The following PDE8B variants were observed in gnomAD, a reference collection of about 807,000 sequenced individuals.
PDE8B encodes phosphodiesterase 8B.
PDE8B carries 26 observed loss-of-function variants against 101.3 expected under a neutral mutation model. The ratio of observed to expected loss-of-function variants is 0.26; its 90% CI spans 0.19 to 0.36. The LOEUF (loss-of-function observed/expected upper bound fraction) is 0.36. Among genes scored for constraint, PDE8B ranks in the 10% least tolerant of loss-of-function variants. PDE8B has a pLI of 1.00. For missense variants in PDE8B, 810 were observed against 1,163.1 expected, an observed-to-expected ratio of 0.70 and a Z score of 4.42; for synonymous variants, 424 against 429.3, an observed-to-expected ratio of 0.99 and a Z score of 0.15.
intron 1 of PDE8B, among the ~76,000 whole-genome samples, chr5:77,302,525 G>C (rs987544917): frequency 6.6e-6 from 1 of 152,180 alleles, no homozygotes; most frequent in African/African-American, 2.4e-5. Context: ...CGGGTGCCTT[G>C]TGCCAAACGT....
intron 10 of PDE8B, among the ~76,000 whole-genome samples, chr5:77,369,715 G>C (rs191827581): frequency 2.8e-4 from 42 of 152,298 alleles, no homozygotes; most frequent in Admixed American, 6.5e-4. Flanking sequence ...GTGCAAGCTT[G>C]GCATCATACC....
At chr5:77,387,471 G>A (rs1355376271) in intron 10 of PDE8B, among the ~76,000 whole-genome samples, 2 of 152,156 alleles carry the variant, frequency 1.3e-5, no homozygotes, top group Non-Finnish European at 2.9e-5. Context: ...TGGGTAACCC[G>A]ACCTTTCTCA....
chr5:77,190,537 A>G, the PDE8B span, among the ~76,000 whole-genome samples: 10 of 152,358 alleles, frequency 6.6e-5, no homozygotes, highest in African/African-American at 2.4e-4. Context: ...GCCAGTACTA[A>G]GTGAGGCTCA....
At chr5:77,088,865 G>A in the PDE8B span, 1 of 152,216 alleles carries the variant, frequency 6.6e-6, no homozygotes, top group South Asian at 2.1e-4. Context: ...CCAGGCTTGA[G>A]GGTGGGGCCT....
At chr5:77,281,369 T>TA in intron 1 of PDE8B, among the ~76,000 whole-genome samples, 1 of 152,330 alleles carries the variant, frequency 6.6e-6, no homozygotes, top group South Asian at 2.1e-4. Flanking sequence ...TTTAATGACT[T>TA]AAAACAACAA....
At chr5:77,290,907 A>T in intron 1 of PDE8B, 1 of 1,606,708 alleles carries the variant, frequency 6.2e-7, no homozygotes, top group African/African-American at 1.3e-5. Flanking sequence ...GGAGGACAAC[A>T]AGCTGCTTGG....
intron 11 of PDE8B, among the ~76,000 whole-genome samples, chr5:77,401,582 ATTG>A (rs1161423513): frequency 2.0e-5 from 3 of 152,308 alleles, no homozygotes; most frequent in East Asian, 1.9e-4. Context: ...AGTTTTGAGA[ATTG>A]TTGTAATGAT....
intron 1 of PDE8B, among the ~76,000 whole-genome samples, chr5:77,278,584 C>A (rs1764302348): frequency 6.6e-6 from 1 of 152,120 alleles, no homozygotes; most frequent in African/African-American, 2.4e-5. Context: ...ATTCTCCTGT[C>A]TCAGCCTCCC....
chr5:77,148,698 A>G, the PDE8B span, among the ~76,000 whole-genome samples: 1 of 152,318 alleles, frequency 6.6e-6, no homozygotes, highest in Non-Finnish European at 1.5e-5. Flanking sequence ...TGGCTATTCA[A>G]ATCTTCTGCC....
chr5:77,259,066 A>ACCCCC (rs1234322626), intron 1 of PDE8B, among the ~76,000 whole-genome samples: 9 of 64,756 alleles, frequency 1.4e-4, no homozygotes, highest in African/African-American at 2.4e-4. Flanking sequence ...ACACACACAC[A>ACCCCC]CACCCCCGCC....
the PDE8B span, among the ~76,000 whole-genome samples, chr5:77,117,433 C>T: frequency 7.2e-4 from 109 of 152,232 alleles, 1 homozygote; most frequent in African/African-American, 2.6e-3. Context: ...ATGCCTGGTA[C>T]TTGGATAGGA....
chr5:77,319,927 T>C (rs6861787), intron 2 of PDE8B, among the ~76,000 whole-genome samples: 20,550 of 152,214 alleles, frequency 0.14, 2,136 homozygotes, highest in African/African-American at 0.29. Context: ...ATAAATTTTT[T>C]TAAATACATA....
At position 77,395,202 on chromosome 5, in the gene PDE8B, C is replaced by T. The variant is rs1406600771; in HGVS notation, c.1168-5046C>T. ...CGCGATCTCGGCACACTGCAAGCTC[C>T]GCCTCCCGGGTTCACGCCATTCTCC... is the stretch of plus-strand genomic sequence containing the variant. On this transcript the variant is annotated intron_variant, in intron 10 of 21. Transcript: ENST00000264917. 8.6e-5 allele frequency among the ~76,000 whole-genome samples: 13 copies of T among 151,662 alleles called. No homozygotes were observed. In the East Asian group the frequency reaches 1.2e-3, roughly 14 times the overall value.
chr5:77,309,565 A>G (rs1772069921), intron 1 of PDE8B, among the ~76,000 whole-genome samples: 1 of 152,140 alleles, frequency 6.6e-6, no homozygotes, highest in Admixed American at 6.5e-5. Flanking sequence ...AAGAGAGATC[A>G]CAGGGCAAGC....
At chr5:77,248,733 C>T (rs1304878868) in intron 1 of PDE8B, among the ~76,000 whole-genome samples, 1 of 152,152 alleles carries the variant, frequency 6.6e-6, no homozygotes, top group African/African-American at 2.4e-5. Flanking sequence ...AATTGTGTCC[C>T]TCCAAATTCA....
At chr5:77,163,229 G>A in the PDE8B span, among the ~76,000 whole-genome samples, 1 of 152,154 alleles carries the variant, frequency 6.6e-6, no homozygotes, top group Non-Finnish European at 1.5e-5. Flanking sequence ...AAGATGAGAG[G>A]GAGTTGGAGA....
chr5:77,250,172 T>C (rs376892270), intron 1 of PDE8B, among the ~76,000 whole-genome samples: 1 of 152,364 alleles, frequency 6.6e-6, no homozygotes, highest in South Asian at 2.1e-4. Flanking sequence ...GCCAGGCTCT[T>C]GGGATGGGTA....
At chr5:77,413,562 T>C (rs954694744) in intron 17 of PDE8B, among the ~76,000 whole-genome samples, 1 of 152,174 alleles carries the variant, frequency 6.6e-6, no homozygotes, top group Non-Finnish European at 1.5e-5. Flanking sequence ...TGGCAGATCA[T>C]GAACCCATTT....
the PDE8B span, among the ~76,000 whole-genome samples, chr5:77,160,396 G>C: frequency 1.6e-3 from 250 of 152,228 alleles, 1 homozygote; most frequent in African/African-American, 5.6e-3. Flanking sequence ...TTGGCTGTTA[G>C]GTTTCGCATC....
Sources: allele counts gnomAD v4.1 joint callset (sites outside exome capture counted in the v4.1 genomes callset), GRCh38; gene constraint gnomAD v4.1.1; transcripts MANE v1.5; gene names NCBI Gene and HGNC (gene_info 2026-07-23, HGNC 2026-07-21).